The following CSMD1 variants were observed in gnomAD, a reference collection of about 807,000 sequenced individuals.
CSMD1 encodes CUB and Sushi multiple domains 1.
In CSMD1, 213 loss-of-function variants were observed where a neutral mutation model predicts 417.5. That is an observed-to-expected ratio of 0.51 (90% CI 0.46 to 0.57). CSMD1 has a LOEUF of 0.57. Among genes scored for constraint, CSMD1 ranks in the 20% least tolerant of loss-of-function variants. The pLI is 0.00. For missense variants in CSMD1, 6,923 were observed against 4,529.7 expected, an observed-to-expected ratio of 1.53 and a Z score of -15.17; for synonymous variants, 2,862 against 1,736.8, an observed-to-expected ratio of 1.65 and a Z score of -16.11.
intron 5 of CSMD1, among the ~76,000 whole-genome samples, chr8:3,960,695 T>G (rs1812265677): frequency 6.6e-6 from 1 of 151,994 alleles, no homozygotes; most frequent in African/African-American, 2.4e-5. Flanking sequence ...AAGATAAATT[T>G]AATAAGATAT....
intron 3 of CSMD1, among the ~76,000 whole-genome samples, chr8:4,298,520 C>G (rs979368027): frequency 6.6e-6 from 1 of 152,066 alleles, no homozygotes; most frequent in Non-Finnish European, 1.5e-5. Context: ...CTGACTTGAC[C>G]TATATACAAT....
chr8:4,423,318 A>G (rs983143902), intron 2 of CSMD1, among the ~76,000 whole-genome samples: 1 of 152,104 alleles, frequency 6.6e-6, no homozygotes, highest in Admixed American at 6.6e-5. Flanking sequence ...ATGCCAAGGA[A>G]TCTACAAGAA....
At chr8:3,864,553 G>T (rs988373426) in intron 5 of CSMD1, among the ~76,000 whole-genome samples, 16 of 152,220 alleles carry the variant, frequency 1.1e-4, no homozygotes, top group Admixed American at 7.2e-4. Flanking sequence ...GTGCCATGTT[G>T]GTGTACTGCA....
At chr8:4,250,450 T>G (rs1585097249) in intron 3 of CSMD1, among the ~76,000 whole-genome samples, 1 of 152,116 alleles carries the variant, frequency 6.6e-6, no homozygotes, top group South Asian at 2.1e-4. Context: ...GCGTAATACA[T>G]GAGTGATATT....
intron 2 of CSMD1, among the ~76,000 whole-genome samples, chr8:4,490,778 G>A (rs531037743): frequency 1.3e-4 from 20 of 152,234 alleles, no homozygotes; most frequent in East Asian, 5.8e-4. Flanking sequence ...CCACTAGGTC[G>A]GGCATATTAA....
At chr8:3,805,202 G>A (rs1218934202) in intron 5 of CSMD1, among the ~76,000 whole-genome samples, 1 of 152,144 alleles carries the variant, frequency 6.6e-6, no homozygotes, top group South Asian at 2.1e-4. Flanking sequence ...ACATGACAAG[G>A]GAAGGAGTCA....
intron 1 of CSMD1, among the ~76,000 whole-genome samples, chr8:4,646,977 G>C (rs567916446): frequency 6.6e-6 from 1 of 152,106 alleles, no homozygotes; most frequent in African/African-American, 2.4e-5. Flanking sequence ...CTCTCTCCCG[G>C]GATGTGGACC....
At chr8:3,968,002 C>T (rs1021940959) in intron 5 of CSMD1, among the ~76,000 whole-genome samples, 8 of 54,300 alleles carry the variant, frequency 1.5e-4, no homozygotes, top group African/African-American at 2.4e-4. Flanking sequence ...CCCGTCACTG[C>T]TTAAAAAAAA....
intron 4 of CSMD1, among the ~76,000 whole-genome samples, chr8:4,003,544 C>A (rs1815870771): frequency 6.6e-6 from 1 of 151,846 alleles, no homozygotes. Context: ...TAAAAACAAA[C>A]ACAGGTGAAG....
At chr8:3,682,009 T>C (rs796310979) in intron 7 of CSMD1, among the ~76,000 whole-genome samples, 2 of 152,250 alleles carry the variant, frequency 1.3e-5, no homozygotes, top group East Asian at 3.9e-4. Context: ...TGAAACTGGA[T>C]CCCTTCCTTA....
intron 49 of CSMD1, among the ~76,000 whole-genome samples, chr8:3,063,885 C>T (rs548851180): frequency 0.011 from 1,650 of 152,206 alleles, 33 homozygotes; most frequent in African/African-American, 0.037. Flanking sequence ...GAATAGTCCA[C>T]CAGAGATGGA....
At chr8:3,599,980 C>G (rs958744477) in intron 8 of CSMD1, among the ~76,000 whole-genome samples, 2 of 152,126 alleles carry the variant, frequency 1.3e-5, no homozygotes, top group Non-Finnish European at 2.9e-5. Context: ...ATGGCAAGCT[C>G]CTGGCAGCAT....
intron 3 of CSMD1, among the ~76,000 whole-genome samples, chr8:4,219,983 T>A (rs1047835553): frequency 1.3e-5 from 2 of 152,166 alleles, no homozygotes; most frequent in Non-Finnish European, 2.9e-5. Flanking sequence ...GGAGTCTCAC[T>A]CTGTCACCCA....
intron 1 of CSMD1, among the ~76,000 whole-genome samples, chr8:4,789,955 C>G (rs920971719): frequency 3.9e-5 from 6 of 152,156 alleles, no homozygotes; most frequent in Admixed American, 6.5e-5. Flanking sequence ...AAAAACGTAT[C>G]TTAAAGGTGC....
chr8:3,518,801 A>T (rs1456502250), intron 10 of CSMD1, among the ~76,000 whole-genome samples: 1 of 152,166 alleles, frequency 6.6e-6, no homozygotes, highest in African/African-American at 2.4e-5. Flanking sequence ...GGAACTAGAC[A>T]CCATGCAAAC....
intron 1 of CSMD1, among the ~76,000 whole-genome samples, chr8:4,872,216 G>A (rs1802774546): frequency 6.6e-6 from 1 of 152,084 alleles, no homozygotes; most frequent in Non-Finnish European, 1.5e-5. Flanking sequence ...TAGAGGCCTT[G>A]GAGTTGGGAC....
chr8:4,613,495 C>G (rs1311851214), intron 2 of CSMD1, among the ~76,000 whole-genome samples: 1 of 152,196 alleles, frequency 6.6e-6, no homozygotes, highest in Non-Finnish European at 1.5e-5. Flanking sequence ...CATACTTACA[C>G]TACTAGTGTG....
At position 4,202,095 on chromosome 8, in the gene CSMD1, G is replaced by T. The variant is rs900740831; in HGVS notation, c.416-169996C>A. Among the ~76,000 whole-genome samples, 35 of 151,772 alleles carry T rather than the reference G, an allele frequency of 2.3e-4. No homozygotes were observed. In the East Asian group the frequency reaches 6.2e-3, roughly 27 times the overall value. On this transcript the variant is annotated intron_variant, in intron 3 of 69. Coordinates refer to ENST00000635120, the MANE Select transcript of CSMD1 (RefSeq NM_033225.6). ...GCCTCTCAGTTTAAGAGTAAATTTT[G>T]TTTTTTTGTTAGTTTTTTTTTCTAG...
chr8:4,446,195 ATT>A (rs1479907359), intron 2 of CSMD1, among the ~76,000 whole-genome samples: 4 of 152,208 alleles, frequency 2.6e-5, no homozygotes, highest in Non-Finnish European at 5.9e-5. Flanking sequence ...AACAAAAGAC[ATT>A]TTGTTTTTTC....
Sources: allele counts gnomAD v4.1 joint callset (sites outside exome capture counted in the v4.1 genomes callset), GRCh38; gene constraint gnomAD v4.1.1; transcripts MANE v1.5; gene names NCBI Gene and HGNC (gene_info 2026-07-23, HGNC 2026-07-21).